The following MACF1 variants were observed in gnomAD, a reference collection of about 807,000 sequenced individuals.
MACF1 encodes microtubule actin crosslinking factor 1.
MACF1 carries 193 observed loss-of-function variants against 854.8 expected under a neutral mutation model. The ratio of observed to expected loss-of-function variants is 0.23; its 90% CI spans 0.20 to 0.25. MACF1 has a LOEUF of 0.25. Among genes scored for constraint, MACF1 ranks in the 10% least tolerant of loss-of-function variants. MACF1 has a pLI of 1.00. For missense variants in MACF1, 7,722 were observed against 8,929.1 expected (o/e 0.86, Z 5.45); for synonymous variants, 3,185 against 3,226.7 (o/e 0.99, Z 0.44).
In MACF1 at chr1:39,269,562, A is replaced by G. The variant is rs750831838; in HGVS notation, c.528+11534A>G. 13 of 1,289,614 alleles carry G rather than the reference A, an allele frequency of 1.0e-5. No homozygotes were observed. In the African/African-American group the frequency reaches 2.0e-4, roughly 20 times the overall value. 79.9% of individuals were successfully genotyped at this position (1,289,614 alleles called of 1,614,324 possible). A position where few individuals can be genotyped will look rare whatever the true frequency, so the allele number is the denominator to read the frequency against. On this transcript the variant is annotated intron_variant, in intron 6 of 100. Coordinates refer to ENST00000564288, the MANE Select transcript of MACF1 (RefSeq NM_001394062.1). Reference sequence around the variant, plus strand: ...GTCCATCAGTGGTGTGACTGTGAGCATTTTGCCCTCCTCCTCTGGCTATGG... The same window carrying G: ...GTCCATCAGTGGTGTGACTGTGAGCGTTTTGCCCTCCTCCTCTGGCTATGG...
At chr1:39,311,088 G>A in intron 26 of MACF1, 88 bp downstream of exon 26, 1 of 1,414,988 alleles carries the variant, frequency 7.1e-7, no homozygotes, top group Non-Finnish European at 9.7e-7. Context: ...CCTAAGAAAT[G>A]AGGCAATAGA....
intron 4 of MACF1, 63 bp from the exon 5 acceptor site, chr1:39,254,234 GA>G: frequency 7.4e-7 from 1 of 1,346,320 alleles, no homozygotes; most frequent in Non-Finnish European, 1.1e-6. Flanking sequence ...AAATAAAAGA[GA>G]AAGGGTCTGT....
Position 39,357,579 on chromosome 1 carries a change from G to C in MACF1, c.11629G>C (p.Asp3877His). 3 of 1,614,110 alleles carry C rather than the reference G, an allele frequency of 1.9e-6. No individual in the cohort carries two copies. The highest frequency in any genetic ancestry group is 2.5e-6 in the Non-Finnish European group (3 of 1,180,000). The change falls in exon 45 of 101, where the codon GAT becomes CAT. Residue 3877 changes from aspartate (D) to histidine (H), a missense_variant. Coordinates refer to ENST00000564288, the MANE Select transcript of MACF1 (RefSeq NM_001394062.1). Reference protein sequence around the residue: ...AELKQVQTLQDELQKFLQDHK... With the variant: ...AELKQVQTLQHELQKFLQDHK... ...ACTGAAGCAGGTGCAGACACTTCAGGATGAGTTGCAGAAATTTCTGCAGGA... is the reference window on the plus strand; with the variant it reads ...ACTGAAGCAGGTGCAGACACTTCAGCATGAGTTGCAGAAATTTCTGCAGGA...
chr1:39,265,010 T>C (rs1464481471), intron 6 of MACF1, among the ~76,000 whole-genome samples: 1 of 152,202 alleles, frequency 6.6e-6, no homozygotes, highest in East Asian at 1.9e-4. Context: ...CAAGCTTGTT[T>C]TAAGGTATAG....
chr1:39,230,247 G>A (rs1363954036), intron 1 of MACF1, among the ~76,000 whole-genome samples: 1 of 152,202 alleles, frequency 6.6e-6, no homozygotes, highest in Non-Finnish European at 1.5e-5. Flanking sequence ...AGTGCCAGTG[G>A]AGCCAAGTAG....
intron 1 of MACF1, among the ~76,000 whole-genome samples, chr1:39,224,842 C>A (rs1644693996): frequency 6.6e-6 from 1 of 152,166 alleles, no homozygotes; most frequent in South Asian, 2.1e-4. Flanking sequence ...GCATGATGCT[C>A]AGAGACCCTT....
intron 2 of MACF1, among the ~76,000 whole-genome samples, chr1:39,172,902 T>C (rs971878690): frequency 5.9e-5 from 9 of 152,348 alleles, no homozygotes; most frequent in African/African-American, 2.2e-4. Context: ...CTTCTTGCCT[T>C]CTGGCAGACA....
intron 2 of MACF1, among the ~76,000 whole-genome samples, chr1:39,176,126 A>AAAAAAAAAAAC: frequency 7.7e-6 from 1 of 129,400 alleles, no homozygotes; most frequent in East Asian, 2.3e-4. Flanking sequence ...AAAAAAAAAA[A>AAAAAAAAAAAC]AGCCAGGTGT....
At chr1:39,185,519 T>G (rs1359946673) in intron 2 of MACF1, among the ~76,000 whole-genome samples, 1 of 151,986 alleles carries the variant, frequency 6.6e-6, no homozygotes, top group Non-Finnish European at 1.5e-5. Context: ...AAAAAATTTT[T>G]TTTTTAAATA....
intron 50 of MACF1, among the ~76,000 whole-genome samples, chr1:39,369,586 C>T (rs368108106): frequency 6.6e-6 from 1 of 152,318 alleles, no homozygotes; most frequent in Non-Finnish European, 1.5e-5. Flanking sequence ...CATCATTAAT[C>T]TAGAACTAAT....
chr1:39,200,391 T>C (rs988864313), upstream of MACF1, among the ~76,000 whole-genome samples: 1 of 152,066 alleles, frequency 6.6e-6, no homozygotes, highest in Non-Finnish European at 1.5e-5. Context: ...TGCCATCTAG[T>C]CTCCTGGCTT....
chr1:39,195,646 G>C (rs1426316991), intron 2 of MACF1, among the ~76,000 whole-genome samples: 1 of 152,186 alleles, frequency 6.6e-6, no homozygotes, highest in South Asian at 2.1e-4. Flanking sequence ...CTTTAAGCTG[G>C]TCTATAGAAA....
Position 39,455,077 on chromosome 1 carries a change from G to A in MACF1, c.21055G>A (p.Ala7019Thr). The A allele has an allele frequency of 1.2e-6, 2 of 1,614,048 alleles. No individual in the cohort carries two copies. The highest frequency in any genetic ancestry group is 1.7e-6 in the Non-Finnish European group (2 of 1,179,962). Reference sequence around the variant, plus strand: ...CCCGCAGAACATTGACCGAGTTAAAGCCCTTATCGCTGAGCATCAGGTATC... The same window carrying A: ...CCCGCAGAACATTGACCGAGTTAAAACCCTTATCGCTGAGCATCAGGTATC... ...PIPQNIDRVK[A>T]LIAEHQTFME... The change falls in exon 89 of 101, where the codon GCC becomes ACC. Residue 7019 changes from alanine to threonine, a missense_variant. Around this residue, in one of 15 missense-constraint regions of MACF1, gnomAD observed 729 missense variants for 900.5 expected, o/e 0.81. Coordinates refer to ENST00000564288, the MANE Select transcript of MACF1 (RefSeq NM_001394062.1).
intron 6 of MACF1, chr1:39,269,865 C>A: frequency 1.8e-6 from 1 of 551,352 alleles, no homozygotes; most frequent in Non-Finnish European, 2.8e-6. Context: ...TGGAGCTCAG[C>A]AAGCAGAATC....
chr1:39,167,225 G>A (rs1287638519), intron 2 of MACF1, among the ~76,000 whole-genome samples: 2 of 150,946 alleles, frequency 1.3e-5, no homozygotes, highest in Non-Finnish European at 2.9e-5. Context: ...GCCTCCCAAA[G>A]TGCTGGGATT....
chr1:39,310,371 G>A lies in MACF1; in HGVS notation c.3043G>A (p.Glu1015Lys), dbSNP rs760697511. Residue 1015 changes from glutamate (E) to lysine (K), a missense_variant, in exon 25 of 101, where the codon GAG (glutamate) becomes AAG (lysine). Transcript: ENST00000564288. ...AGTGGCTGATCGCTTGCGCTTGGAA[G>A]AGGAGGTGGAAGCTTGTAAAGCCCG... ...FSVADRLRLE[E>K]EVEACKARFQ... 7 of 1,614,080 alleles carry A rather than the reference G, an allele frequency of 4.3e-6. No individual in the cohort carries two copies. Among genetic ancestry groups the A allele is most frequent in the Non-Finnish European group, 5.9e-6 (7 of 1,180,042 alleles).
At chr1:39,262,421 A>C (rs1391667923) in intron 6 of MACF1, among the ~76,000 whole-genome samples, 1 of 144,508 alleles carries the variant, frequency 6.9e-6, no homozygotes, top group Non-Finnish European at 1.5e-5. Flanking sequence ...AAAAAAAAAG[A>C]ATCTACTACA....
chr1:39,367,909 G>A (rs550159521), intron 49 of MACF1, among the ~76,000 whole-genome samples: 2 of 151,172 alleles, frequency 1.3e-5, no homozygotes, highest in South Asian at 4.2e-4. Flanking sequence ...GGCGGAAGTT[G>A]CAGTGAGCCA....
intron 2 of MACF1, among the ~76,000 whole-genome samples, chr1:39,104,026 G>C (rs1366093908): frequency 6.6e-6 from 1 of 152,230 alleles, no homozygotes; most frequent in African/African-American, 2.4e-5. Context: ...TCAAACTCTT[G>C]AGAATGGGAA....
Sources: gnomAD v4.1 joint callset for allele counts (sites outside exome capture counted in the v4.1 genomes callset) on GRCh38, gnomAD v4.1.1 for gene constraint, gnomAD v4.1.1 regional missense constraint, MANE v1.5 for transcripts, NCBI Gene and HGNC (gene_info 2026-07-23, HGNC 2026-07-21) for gene names.